The following ADAM22 variants were observed in gnomAD, a reference collection of about 807,000 sequenced individuals.
ADAM22 encodes ADAM metallopeptidase domain 22.
In ADAM22, 65 loss-of-function variants were observed where a neutral mutation model predicts 144.6. That is an observed-to-expected ratio of 0.45 (90% CI 0.37 to 0.55). The LOEUF is 0.55. Ranked by LOEUF, ADAM22 falls within the 20% of genes least tolerant of loss-of-function variation. The probability of loss-of-function intolerance (pLI) is 0.00; values close to 1 mark genes in which losing one functional copy is unlikely to be tolerated. For synonymous variants in ADAM22, 391 were observed against 412.6 expected (o/e 0.95, Z 0.63); for missense variants, 974 against 1,184.9 (o/e 0.82, Z 2.61).
chr7:88,037,106 G>C (rs1435966516), intron 3 of ADAM22, among the ~76,000 whole-genome samples: 1 of 152,012 alleles, frequency 6.6e-6, no homozygotes, highest in African/African-American at 2.4e-5. Flanking sequence ...CTCTATAAAT[G>C]ATGCTATTAT....
chr7:88,145,141 A>C lies in ADAM22; in HGVS notation c.1337A>C (p.Glu446Ala). The C allele has an allele frequency of 6.2e-7, 1 of 1,613,626 alleles. No individual in the cohort carries two copies. Among genetic ancestry groups the C allele is most frequent in the Non-Finnish European group, 8.5e-7 (1 of 1,179,838 alleles). The change falls in exon 16 of 32, where the codon GAG becomes GCG. Residue 446 changes from glutamate to alanine, a missense_variant. Glu to Ala is a moderately radical substitution (Grantham distance 107, BLOSUM62 -1). This residue lies in a region of ADAM22 where 734 missense variants were observed against 950.6 expected (regional missense o/e 0.77). Transcript: ENST00000413139. Reference protein sequence around the residue: ...NKPSKLLDPPECGNGFIETGE... With the variant: ...NKPSKLLDPPACGNGFIETGE... ...TCCTCACAGCTTCTTGATCCTCCTG[A>C]GTGTGGCAATGGCTTCATTGAAACT...
chr7:88,166,998 A>G (rs541442313), intron 24 of ADAM22, among the ~76,000 whole-genome samples: 8 of 152,296 alleles, frequency 5.3e-5, no homozygotes, highest in African/African-American at 1.7e-4. Context: ...TGCATCCCAC[A>G]GAGGACCTGG....
At chr7:87,961,400 C>T (rs760298400) in intron 2 of ADAM22, among the ~76,000 whole-genome samples, 7 of 152,164 alleles carry the variant, frequency 4.6e-5, no homozygotes, top group Non-Finnish European at 5.9e-5. Context: ...ATCCTGTGGT[C>T]TCACAGTATT....
At chr7:88,120,103 C>A (rs1244733842) in intron 7 of ADAM22, among the ~76,000 whole-genome samples, 2 of 151,984 alleles carry the variant, frequency 1.3e-5, no homozygotes, top group African/African-American at 4.8e-5. Flanking sequence ...ATTTGTATTT[C>A]CAGTGCTTCC....
intron 2 of ADAM22, among the ~76,000 whole-genome samples, chr7:87,960,076 T>C (rs1847692503): frequency 6.6e-6 from 1 of 152,174 alleles, no homozygotes. Flanking sequence ...TTCAGATCAA[T>C]GGAAAGAACT....
chr7:88,042,000 T>C (rs1033866851), intron 3 of ADAM22, among the ~76,000 whole-genome samples: 2 of 152,100 alleles, frequency 1.3e-5, no homozygotes, highest in African/African-American at 2.4e-5. Flanking sequence ...CCTGTTTCTA[T>C]GTAAATATAG....
chr7:88,027,931 C>T (rs1027891987), intron 3 of ADAM22, among the ~76,000 whole-genome samples: 1 of 152,046 alleles, frequency 6.6e-6, no homozygotes, highest in African/African-American at 2.4e-5. Context: ...GCTGGGGTTA[C>T]AGGCATGTGC....
At chr7:88,079,032 G>T (rs1216684368) in intron 4 of ADAM22, among the ~76,000 whole-genome samples, 1 of 152,096 alleles carries the variant, frequency 6.6e-6, no homozygotes, top group South Asian at 2.1e-4. Context: ...GCAACTCCAA[G>T]ACACATAATT....
At chr7:88,078,039 T>A (rs112477959) in intron 4 of ADAM22, among the ~76,000 whole-genome samples, 1 of 152,236 alleles carries the variant, frequency 6.6e-6, no homozygotes, top group African/African-American at 2.4e-5. Context: ...ACGGGCAGAA[T>A]GCCTCCTCAA....
intron 2 of ADAM22, among the ~76,000 whole-genome samples, chr7:87,948,278 C>T (rs1844204644): frequency 6.6e-6 from 1 of 152,180 alleles, no homozygotes; most frequent in Non-Finnish European, 1.5e-5. Flanking sequence ...ATCCCTGTAG[C>T]ACATTGCTGG....
At chr7:88,032,326 GA>G (rs950515834) in intron 3 of ADAM22, among the ~76,000 whole-genome samples, 1 of 152,182 alleles carries the variant, frequency 6.6e-6, no homozygotes, top group African/African-American at 2.4e-5. Context: ...GCCTGGATAT[GA>G]AACATGGAGT....
intron 2 of ADAM22, among the ~76,000 whole-genome samples, chr7:87,951,059 G>A (rs1055659599): frequency 1.3e-5 from 2 of 152,078 alleles, no homozygotes. Flanking sequence ...AGATGAGTAG[G>A]TTGCAAAAAT....
chr7:87,957,596 T>C (rs1383296019), intron 2 of ADAM22, among the ~76,000 whole-genome samples: 2 of 152,162 alleles, frequency 1.3e-5, no homozygotes, highest in African/African-American at 2.4e-5. Context: ...CTTTTTTTTA[T>C]TGAGATGGAG....
intron 3 of ADAM22, among the ~76,000 whole-genome samples, chr7:88,038,953 T>C (rs1179132944): frequency 6.6e-6 from 1 of 151,924 alleles, no homozygotes; most frequent in Admixed American, 6.6e-5. Flanking sequence ...GCTAATTTTT[T>C]AGTTTTTTGT....
chr7:87,996,408 G>A (rs936347037), intron 3 of ADAM22, among the ~76,000 whole-genome samples: 7 of 152,204 alleles, frequency 4.6e-5, no homozygotes, highest in African/African-American at 1.2e-4. Context: ...CCTTCTTGCT[G>A]TACCCTTGGA....
chr7:88,195,448 T>G (rs1328018386), intron 31 of ADAM22, among the ~76,000 whole-genome samples: 1 of 152,162 alleles, frequency 6.6e-6, no homozygotes, highest in Non-Finnish European at 1.5e-5. Flanking sequence ...TGAAGGGACA[T>G]CCTGCCTTGA....
intron 30 of ADAM22, 127 bp from the exon 31 acceptor site, chr7:88,192,989 G>A: frequency 5.3e-6 from 6 of 1,123,750 alleles, no homozygotes; most frequent in Non-Finnish European, 7.5e-6. Flanking sequence ...CTTCCCAGTA[G>A]TTAAATCTTT....
chr7:88,097,876 A>G (rs1318850745), intron 4 of ADAM22, among the ~76,000 whole-genome samples: 2 of 152,188 alleles, frequency 1.3e-5, no homozygotes, highest in Non-Finnish European at 2.9e-5. Flanking sequence ...ACAATGATAT[A>G]GTGGTTTCCT....
intron 5 of ADAM22, among the ~76,000 whole-genome samples, chr7:88,111,630 T>C (rs1826066474): frequency 6.6e-6 from 1 of 152,194 alleles, no homozygotes; most frequent in Non-Finnish European, 1.5e-5. Context: ...CATTTCAAAA[T>C]CTTATTTTGA....
Sources: gnomAD v4.1 joint callset for allele counts (sites outside exome capture counted in the v4.1 genomes callset) on GRCh38, gnomAD v4.1.1 for gene constraint, gnomAD v4.1.1 regional missense constraint, MANE v1.5 for transcripts, NCBI Gene and HGNC (gene_info 2026-07-23, HGNC 2026-07-21) for gene names.